Variants in RSF1 observed in about 807,000 individuals in gnomAD.
The protein encoded by RSF1 is remodeling and spacing factor 1.
In RSF1, 13 loss-of-function variants were observed where a neutral mutation model predicts 145.2. That is an observed-to-expected ratio of 0.09 (90% confidence interval 0.06 to 0.14). The LOEUF (loss-of-function observed/expected upper bound fraction) is 0.14, where lower values mean the gene tolerates loss of function less well. RSF1 is among the 10% of genes least tolerant of loss of function. The pLI, the probability that RSF1 is intolerant of heterozygous loss-of-function variation, is 1.00. For missense variants in RSF1, 1,517 were observed against 1,718.2 expected, an observed-to-expected ratio of 0.88 and a Z score of 2.07; for synonymous variants, 577 against 592.6, an observed-to-expected ratio of 0.97 and a Z score of 0.38.
intron 5 of RSF1, among the ~76,000 whole-genome samples, chr11:77,716,732 T>C (rs961962419): frequency 3.3e-5 from 5 of 152,224 alleles, no homozygotes; most frequent in Admixed American, 1.3e-4. Flanking sequence ...TACCTGAAAA[T>C]TGCTAGGACA....
intron 2 of RSF1, among the ~76,000 whole-genome samples, chr11:77,758,845 T>C (rs1410655505): frequency 6.7e-6 from 1 of 149,452 alleles, no homozygotes; most frequent in African/African-American, 2.5e-5. Flanking sequence ...TTATCAGTTA[T>C]ATGATTTGCA....
rs765172926 is a variant in RSF1 at position 77,701,305 on chromosome 11, C to T, written c.1924G>A (p.Ala642Thr). 3 of 1,614,032 alleles carry T rather than the reference C, an allele frequency of 1.9e-6. No homozygotes were observed. In the Admixed American group the frequency reaches 5.0e-5, roughly 27 times the overall value. ...SNIIDHCEKL[A>T]SEKEVVECQS... Reference sequence around the variant, plus strand: ...CATTCTACCACTTCTTTTTCTGAGGCTAGTTTCTCACAGTGGTCAATGATA... The same window carrying T: ...CATTCTACCACTTCTTTTTCTGAGGTTAGTTTCTCACAGTGGTCAATGATA... The change falls in exon 6 of 16, where the codon GCC becomes ACC. Residue 642 changes from alanine (A) to threonine (T), a missense_variant. By Grantham distance (58) the Ala-to-Thr change is moderately conservative. Around this residue, in one of 12 missense-constraint regions of RSF1, gnomAD observed 579 missense variants for 553.5 expected, o/e 1.05. Transcript: ENST00000308488.
At chr11:77,852,865 G>T in the RSF1 span, among the ~76,000 whole-genome samples, 1 of 151,954 alleles carries the variant, frequency 6.6e-6, no homozygotes. Context: ...AGTTCATAGA[G>T]ATATGTCTTT....
At chr11:77,789,846 C>T (rs1695778519) in intron 1 of RSF1, among the ~76,000 whole-genome samples, 1 of 152,214 alleles carries the variant, frequency 6.6e-6, no homozygotes. Flanking sequence ...CTGCTCAGCC[C>T]ACCACTGTTG....
the RSF1 span, among the ~76,000 whole-genome samples, chr11:77,830,423 G>C: frequency 6.6e-6 from 1 of 152,038 alleles, no homozygotes; most frequent in Non-Finnish European, 1.5e-5. Context: ...AGCGCCTATT[G>C]TTTGAAGAAT....
intron 4 of RSF1, chr11:77,735,048 G>A: frequency 1.5e-6 from 2 of 1,370,556 alleles, no homozygotes; most frequent in South Asian, 2.3e-5. Context: ...AGGAGAGGTG[G>A]CGGCGGTGGC....
chr11:77,825,066 C>T (rs1241964405), upstream of RSF1, among the ~76,000 whole-genome samples: 3 of 152,060 alleles, frequency 2.0e-5, no homozygotes, highest in Non-Finnish European at 4.4e-5. Context: ...CTGCATGCTC[C>T]GACTCCTGGT....
In RSF1 at chr11:77,701,678, T is replaced by C; in HGVS notation, c.1551A>G (p.Ile517Met). Reference sequence around the variant, plus strand: ...TTTGACTATGGATCTCTAAGACTGATATTGAACTATCTGCATCTTTCCTCA... The same window carrying C: ...TTTGACTATGGATCTCTAAGACTGACATTGAACTATCTGCATCTTTCCTCA... ...APLRKDADSS[I>M]SVLEIHSQKA... is the part of the protein sequence containing the mutation. Residue 517 changes from isoleucine to methionine, a missense_variant, in exon 6 of 16, where the codon ATA becomes ATG. Transcript: ENST00000308488. 1 of 1,614,076 alleles carries C rather than the reference T, an allele frequency of 6.2e-7. No homozygotes were observed. The highest frequency in any genetic ancestry group is 8.5e-7 in the Non-Finnish European group (1 of 1,179,994).
intron 1 of RSF1, among the ~76,000 whole-genome samples, chr11:77,766,814 T>C (rs1436788793): frequency 6.6e-6 from 1 of 151,928 alleles, no homozygotes; most frequent in Non-Finnish European, 1.5e-5. Context: ...TTTTAAATAT[T>C]AACAAAAGAA....
intron 4 of RSF1, chr11:77,735,157 G>T (rs1961315451): frequency 1.4e-6 from 1 of 702,302 alleles, no homozygotes; most frequent in South Asian, 1.5e-5. Context: ...GCCGGCTGGG[G>T]TGGGGGACGA....
At chr11:77,668,451 A>G (rs959065012) in intron 15 of RSF1, among the ~76,000 whole-genome samples, 1 of 152,134 alleles carries the variant, frequency 6.6e-6, no homozygotes, top group African/African-American at 2.4e-5. Flanking sequence ...TGGACACCCA[A>G]CTCTGTACCT....
chr11:77,783,898 T>C (rs1250889521), intron 1 of RSF1, among the ~76,000 whole-genome samples: 1 of 152,164 alleles, frequency 6.6e-6, no homozygotes, highest in African/African-American at 2.4e-5. Context: ...AACGTCTTCT[T>C]TGTTCCTCTG....
At chr11:77,751,988 T>C (rs1025547650) in intron 2 of RSF1, among the ~76,000 whole-genome samples, 2 of 152,146 alleles carry the variant, frequency 1.3e-5, no homozygotes, top group Non-Finnish European at 2.9e-5. Context: ...CCACAAATAT[T>C]ACTATGTGCA....
At position 77,820,617 on chromosome 11, in the gene RSF1, T is replaced by C; in HGVS notation, c.98A>G (p.Tyr33Cys). The C allele has an allele frequency of 1.3e-6, 2 of 1,567,268 alleles. No individual in the cohort carries two copies. The highest frequency in any genetic ancestry group is 1.2e-5 in the South Asian group (1 of 85,238). Residue 33 changes from tyrosine (Y) to cysteine (C), a missense_variant, in exon 1 of 16, where the codon TAC becomes TGC. Physicochemically the swap from Tyr to Cys is radical, Grantham distance 194. Around this residue, in one of 12 missense-constraint regions of RSF1, gnomAD observed 85 missense variants for 91.8 expected, o/e 0.93. Coordinates refer to ENST00000308488, the MANE Select transcript of RSF1 (RefSeq NM_016578.4). ...FAVVCSFLER[Y>C]GPLLDLPELP... ...CTCAGGCAGGTCTAGCAGCGGCCCG[T>C]AGCGCTCCAAGAAGGAGCAGACTAC...
In RSF1 at chr11:77,685,151, C is replaced by T. The variant is rs1347035697; in HGVS notation, c.2909G>A (p.Arg970His). The change falls in exon 10 of 16, where the codon CGC becomes CAC. Residue 970 changes from arginine (R) to histidine (H), a missense_variant. Physicochemically the swap from Arg to His is conservative, Grantham distance 29 (BLOSUM62 0). Transcript: ENST00000308488. Reference protein sequence around the residue: ...KKERAERRKERLVYVGISIEN... With the variant: ...KKERAERRKEHLVYVGISIEN... ...AATACTGATACCAACATACACCAAG[C>T]GTTCTTTTCTTTAGGTGAAAAACAA... 1.9e-6 allele frequency: 3 copies of T among 1,556,488 alleles called. No homozygotes were observed. Among genetic ancestry groups the T allele is most frequent in the African/African-American group, 1.4e-5 (1 of 72,422 alleles).
At chr11:77,671,505 C>T (rs1272853937) in intron 15 of RSF1, among the ~76,000 whole-genome samples, 2 of 151,832 alleles carry the variant, frequency 1.3e-5, no homozygotes, top group African/African-American at 4.8e-5. Context: ...TGAGACTTTT[C>T]TAGTTTCAAT....
the RSF1 span, among the ~76,000 whole-genome samples, chr11:77,845,457 C>G: frequency 2.0e-5 from 3 of 151,450 alleles, no homozygotes; most frequent in Non-Finnish European, 2.9e-5. Flanking sequence ...GGGGGATAGA[C>G]TATTGCTCTG....
At chr11:77,681,944 T>A (rs1959872990) in intron 11 of RSF1, among the ~76,000 whole-genome samples, 1 of 152,214 alleles carries the variant, frequency 6.6e-6, no homozygotes, top group Non-Finnish European at 1.5e-5. Context: ...CTATCTTTTT[T>A]AATGCATCGC....
intron 11 of RSF1, among the ~76,000 whole-genome samples, chr11:77,681,284 C>CA (rs1284790104): frequency 6.6e-6 from 1 of 152,120 alleles, no homozygotes; most frequent in Non-Finnish European, 1.5e-5. Context: ...TATGTATTTT[C>CA]ATATAAAATG....
Sources: allele counts gnomAD v4.1 joint callset (sites outside exome capture counted in the v4.1 genomes callset), GRCh38; gene constraint gnomAD v4.1.1; regional missense constraint gnomAD v4.1.1; transcripts MANE v1.5; gene names NCBI Gene and HGNC (gene_info 2026-07-23, HGNC 2026-07-21).